The following IRS1 variants were observed in gnomAD, a reference collection of about 807,000 sequenced individuals.
IRS1 encodes insulin receptor substrate 1.
A neutral mutation model predicts 65.6 loss-of-function variants in IRS1; 34 were observed. That is an observed-to-expected ratio of 0.52 (90% CI 0.39 to 0.69). IRS1 has a LOEUF of 0.69. IRS1 is among the 30% of genes least tolerant of loss of function. The pLI is 0.00. For missense variants in IRS1, 1,641 were observed against 1,720.2 expected, an observed-to-expected ratio of 0.95 and a Z score of 0.81; for synonymous variants, 699 against 683.5, an observed-to-expected ratio of 1.02 and a Z score of -0.35.
intron 1 of IRS1, among the ~76,000 whole-genome samples, chr2:226,761,422 C>T (rs554539636): frequency 5.9e-5 from 9 of 151,986 alleles, no homozygotes; most frequent in African/African-American, 9.7e-5. Flanking sequence ...AGGTGACTGC[C>T]GGGTTTATTG....
At chr2:226,784,397 GT>G (rs908450368) in intron 1 of IRS1, among the ~76,000 whole-genome samples, 72 of 150,902 alleles carry the variant, frequency 4.8e-4, no homozygotes, top group African/African-American at 1.5e-3. Flanking sequence ...TAATTCAAAT[GT>G]TTTTTTTTAA....
At chr2:226,751,703 T>C (rs1938687291) in intron 1 of IRS1, among the ~76,000 whole-genome samples, 1 of 152,084 alleles carries the variant, frequency 6.6e-6, no homozygotes, top group Admixed American at 6.6e-5. Context: ...CATTTCTATC[T>C]CTTTACAAAA....
chr2:226,737,645 G>A (rs1361017155), intron 1 of IRS1, among the ~76,000 whole-genome samples: 1 of 152,168 alleles, frequency 6.6e-6, no homozygotes, highest in Non-Finnish European at 1.5e-5. Flanking sequence ...GGCATGTGAA[G>A]TAGACATCAG....
intron 1 of IRS1, among the ~76,000 whole-genome samples, chr2:226,746,608 A>G (rs1234744452): frequency 6.6e-6 from 1 of 152,040 alleles, no homozygotes; most frequent in East Asian, 1.9e-4. Flanking sequence ...CCAGTTGACA[A>G]TGAGGGGTCG....
At chr2:226,777,274 G>C (rs568609030) in intron 1 of IRS1, among the ~76,000 whole-genome samples, 4 of 152,248 alleles carry the variant, frequency 2.6e-5, no homozygotes, top group Admixed American at 2.6e-4. Context: ...TACTGTCTTT[G>C]GGATAATTCT....
chr2:226,779,765 G>A (rs1028790451), intron 1 of IRS1, among the ~76,000 whole-genome samples: 5 of 152,162 alleles, frequency 3.3e-5, no homozygotes, highest in Non-Finnish European at 5.9e-5. Context: ...TACAGTAGCG[G>A]ACACACCAGT....
At position 226,798,026 on chromosome 2, in the gene IRS1, A is replaced by G; in HGVS notation, c.713T>C (p.Met238Thr). 1 of 1,614,080 alleles carries G rather than the reference A, an allele frequency of 6.2e-7. No homozygotes were observed. Residue 238 changes from methionine to threonine, a missense_variant, in exon 1 of 2, where the codon ATG becomes ACG. Met to Thr is a moderately conservative substitution (Grantham distance 81). Coordinates refer to ENST00000305123, the MANE Select transcript of IRS1 (RefSeq NM_005544.3). The surrounding 1 kb of genome is among the most constrained non-coding windows in gnomAD (Gnocchi z 9.4). ...GGCCACCACAGAGTCATCCACCTGC[A>G]TCCAGAACTCCCCGGGCCCCGTCAC... Reference protein sequence around the residue: ...SAVTGPGEFWMQVDDSVVAQN... With the variant: ...SAVTGPGEFWTQVDDSVVAQN...
intron 1 of IRS1, among the ~76,000 whole-genome samples, chr2:226,744,032 T>C (rs1477974857): frequency 1.3e-5 from 2 of 152,224 alleles, no homozygotes; most frequent in Non-Finnish European, 2.9e-5. Flanking sequence ...AGTAACTGTC[T>C]GACTACCCAA....
chr2:226,782,082 T>C (rs938486599), intron 1 of IRS1, among the ~76,000 whole-genome samples: 1 of 152,070 alleles, frequency 6.6e-6, no homozygotes. Context: ...AGTTATTGTT[T>C]AGCTGTGGTT....
At chr2:226,757,363 T>C (rs1938825104) in intron 1 of IRS1, among the ~76,000 whole-genome samples, 1 of 152,046 alleles carries the variant, frequency 6.6e-6, no homozygotes, top group Non-Finnish European at 1.5e-5. Flanking sequence ...AACTGTGATC[T>C]TGGCACTTTG....
chr2:226,769,811 A>G (rs1939129819), intron 1 of IRS1, among the ~76,000 whole-genome samples: 1 of 152,174 alleles, frequency 6.6e-6, no homozygotes, highest in Non-Finnish European at 1.5e-5. Context: ...ACTTTTCTGA[A>G]TTTATCGGTC....
In IRS1 at chr2:226,732,777, C is replaced by T. The variant is rs1214299060; in HGVS notation, c.*3495G>A. 1 of 151,576 alleles carries T rather than the reference C, an allele frequency of 6.6e-6. No individual in the cohort carries two copies. Among genetic ancestry groups the T allele is most frequent in the East Asian group, 1.9e-4 (1 of 5,172 alleles). 9.4% of individuals were successfully genotyped at this position (151,576 alleles called of 1,614,324 possible). A position where few individuals can be genotyped will look rare whatever the true frequency, so the allele number is the denominator to read the frequency against. On this transcript the variant is annotated 3_prime_UTR_variant, in exon 2 of 2. Coordinates refer to ENST00000305123, the MANE Select transcript of IRS1 (RefSeq NM_005544.3). ...ACTAACATTCATCATTCATGGCATC[C>T]TAGGAACATTAACTCCCCTGTCAAG... is the stretch of plus-strand genomic sequence containing the variant.
rs1171119286 is a variant in IRS1, at chr2:226,766,121, TTATATATATATATATATATA to T, written c.*21+28848_*21+28867del. Among the ~76,000 whole-genome samples the T allele has an allele frequency of 3.5e-4, 5 of 14,244 alleles. 1 individual carries two copies. The East Asian group carries it at 5.6e-3, about 16-fold the overall frequency. 9.3% of individuals were successfully genotyped at this position (14,244 alleles called of 152,430 possible). On this transcript the variant is annotated intron_variant, in intron 1 of 1. Coordinates refer to ENST00000305123, the MANE Select transcript of IRS1 (RefSeq NM_005544.3). ...ATTTTCCCAAGGCCCTCTCTTAATCTTATATATATATATATATATATATATATATATATATATATATATTT... is the reference window on the plus strand; with the variant it reads ...ATTTTCCCAAGGCCCTCTCTTAATCTTATATATATATATATATATATATTT...
chr2:226,797,562 A>G lies in IRS1; in HGVS notation c.1177T>C (p.Ser393Pro). Residue 393 changes from serine to proline, a missense_variant, in exon 1 of 2, where the codon TCG becomes CCG. By Grantham distance (74) the Ser-to-Pro change is moderately conservative. Transcript: ENST00000305123. The surrounding 1 kb of genome is among the most constrained non-coding windows in gnomAD (Gnocchi z 8.1). Reference protein sequence around the residue: ...SPSATSPVSLSSSSTSGHGST... With the variant: ...SPSATSPVSLPSSSTSGHGST... Reference sequence around the variant, plus strand: ...CCATGGCCACTGGTGCTACTGGACGACAGACTGACCGGGCTGGTGGCCGAA... The same window carrying G: ...CCATGGCCACTGGTGCTACTGGACGGCAGACTGACCGGGCTGGTGGCCGAA... 1 of 1,602,318 alleles carries G rather than the reference A, an allele frequency of 6.2e-7. No individual in the cohort carries two copies. Among genetic ancestry groups the G allele is most frequent in the African/African-American group, 1.3e-5 (1 of 74,942 alleles).
intron 1 of IRS1, among the ~76,000 whole-genome samples, chr2:226,788,370 T>C (rs1159513534): frequency 1.3e-5 from 2 of 152,118 alleles, no homozygotes; most frequent in Non-Finnish European, 2.9e-5. Context: ...CCATTATCAA[T>C]GGAAAATACA....
chr2:226,778,701 C>T (rs562159603), intron 1 of IRS1, among the ~76,000 whole-genome samples: 3 of 152,332 alleles, frequency 2.0e-5, no homozygotes, highest in Non-Finnish European at 4.4e-5. Context: ...TTCCCTCCAA[C>T]ACCCAATGCC....
At chr2:226,793,095 T>A (rs1196544952) in intron 1 of IRS1, among the ~76,000 whole-genome samples, 1 of 152,218 alleles carries the variant, frequency 6.6e-6, no homozygotes, top group Non-Finnish European at 1.5e-5. Flanking sequence ...TTTGTTTTTT[T>A]AATGCATCCA....
intron 1 of IRS1, among the ~76,000 whole-genome samples, chr2:226,776,331 T>A (rs566824648): frequency 6.6e-6 from 1 of 151,086 alleles, no homozygotes; most frequent in Non-Finnish European, 1.5e-5. Flanking sequence ...GAAGCAAATC[T>A]CCTGTGCAGA....
chr2:226,744,426 C>G (rs1938497897), intron 1 of IRS1, among the ~76,000 whole-genome samples: 1 of 152,164 alleles, frequency 6.6e-6, no homozygotes, highest in Non-Finnish European at 1.5e-5. Context: ...CCAATAGTTT[C>G]TAATAGGGGC....
Sources: allele counts gnomAD v4.1 joint callset (sites outside exome capture counted in the v4.1 genomes callset), GRCh38; gene constraint gnomAD v4.1.1; non-coding constraint Gnocchi (gnomAD v3.1); transcripts MANE v1.5; gene names NCBI Gene and HGNC (gene_info 2026-07-23, HGNC 2026-07-21).